GJA1: variants seen among roughly 807,000 people sequenced by gnomAD.
GJA1 encodes the protein gap junction alpha-1 protein.
GJA1 carries 9 observed loss-of-function variants against 31.0 expected under a neutral mutation model. The ratio of observed to expected loss-of-function variants is 0.29; its 90% CI spans 0.17 to 0.51. GJA1 has a LOEUF of 0.51. Among genes scored for constraint, GJA1 ranks in the 20% least tolerant of loss-of-function variants. The pLI is 0.98. For synonymous variants in GJA1, 186 were observed against 180.1 expected, an observed-to-expected ratio of 1.03 and a Z score of -0.26; for missense variants, 278 against 468.8, an observed-to-expected ratio of 0.59 and a Z score of 3.76.
Position 121,448,274 on chromosome 6 carries a change from C to T in GJA1, c.*278C>T. 2.0e-6 allele frequency: 1 copy of T among 499,356 alleles called. No homozygotes were observed. Among genetic ancestry groups the T allele is most frequent in the Non-Finnish European group, 3.8e-6 (1 of 265,872 alleles). 30.9% of individuals were successfully genotyped at this position (499,356 alleles called of 1,614,324 possible). A position where few individuals can be genotyped will look rare whatever the true frequency, so the allele number is the denominator to read the frequency against. ...TAAATAAGAGTTCCATTAGGTGATA[C>T]ATAGATAAGGGCTTTTTCTCCCCGC... On this transcript the variant is annotated 3_prime_UTR_variant, in exon 2 of 2. Transcript: ENST00000282561.
intron 1 of GJA1, among the ~76,000 whole-genome samples, chr6:121,445,585 A>G (rs569536890): frequency 1.3e-4 from 19 of 151,672 alleles, no homozygotes; most frequent in African/African-American, 4.3e-4. Context: ...TAACAATGAA[A>G]GATGAAAACC....
chr6:121,437,366 C>T (rs3792943), intron 1 of GJA1, among the ~76,000 whole-genome samples: 55,879 of 109,910 alleles, frequency 0.51, 13,170 homozygotes, highest in African/African-American at 0.72. Flanking sequence ...TTTTTTTTTT[C>T]TTTTTCTTTT....
At position 121,447,768 on chromosome 6, in the gene GJA1, G is replaced by C. The variant is rs773628965; in HGVS notation, c.921G>C (p.Glu307Asp). The change falls in exon 2 of 2, where the codon GAG (glutamate) becomes GAC (aspartate). Residue 307 changes from glutamate to aspartate, a missense_variant. Coordinates refer to ENST00000282561, the MANE Select transcript of GJA1 (RefSeq NM_000165.5). ...GCAATTACAACAAGCAAGCAAGTGA[G>C]CAAAACTGGGCTAATTACAGTGCAG... Reference protein sequence around the residue: ...SCRNYNKQASEQNWANYSAEQ... With the variant: ...SCRNYNKQASDQNWANYSAEQ... 2 of 1,613,922 alleles carry C rather than the reference G, an allele frequency of 1.2e-6. No individual in the cohort carries two copies. The highest frequency in any genetic ancestry group is 2.2e-5 in the South Asian group (2 of 91,082).
chr6:121,437,249 G>A (rs568457719), intron 1 of GJA1, among the ~76,000 whole-genome samples: 1 of 152,302 alleles, frequency 6.6e-6, no homozygotes, highest in Non-Finnish European at 1.5e-5. Context: ...CGGGGTGCGG[G>A]GTGGGAGGGA....
chr6:121,440,843 G>A (rs1773762970), intron 1 of GJA1, among the ~76,000 whole-genome samples: 1 of 152,128 alleles, frequency 6.6e-6, no homozygotes, highest in African/African-American at 2.4e-5. Flanking sequence ...CCGGGTTCAA[G>A]CAATTCTCCT....
intron 1 of GJA1, among the ~76,000 whole-genome samples, chr6:121,439,141 A>C (rs997016325): frequency 5.3e-5 from 8 of 152,168 alleles, no homozygotes; most frequent in African/African-American, 1.9e-4. Context: ...CTATAAAAAA[A>C]AATTTTAAAA....
At chr6:121,442,083 T>C (rs544532401) in intron 1 of GJA1, among the ~76,000 whole-genome samples, 3 of 152,340 alleles carry the variant, frequency 2.0e-5, no homozygotes, top group African/African-American at 7.2e-5. Flanking sequence ...ACTCTGATTT[T>C]ATTCTTTCAG....
chr6:121,436,111 T>C, intron 1 of GJA1, among the ~76,000 whole-genome samples: 1 of 151,198 alleles, frequency 6.6e-6, no homozygotes, highest in East Asian at 1.9e-4. Flanking sequence ...GTTTGGTTTT[T>C]CATTTTAGAG....
rs774503143 is a variant in GJA1 at position 121,448,298 on chromosome 6, G to A, written c.*302G>A. ...ACATAGATAAGGGCTTTTTCTCCCC[G>A]CAAACACCCCTAAGAATGGTTCTGT... is the stretch of plus-strand genomic sequence containing the variant. On this transcript the variant is annotated 3_prime_UTR_variant, in exon 2 of 2. Transcript: ENST00000282561. The A allele has an allele frequency of 1.6e-4, 70 of 439,654 alleles. No individual in the cohort carries two copies. Among genetic ancestry groups the A allele is most frequent in the African/African-American group, 1.3e-3 (65 of 49,836 alleles). 27.2% of individuals were successfully genotyped at this position (439,654 alleles called of 1,614,324 possible).
In GJA1 at chr6:121,447,961, A is replaced by G; in HGVS notation, c.1114A>G (p.Ser372Gly). Residue 372 changes from serine (S) to glycine (G), a missense_variant, in exon 2 of 2, where the codon AGC becomes GGC. Physicochemically the swap from Ser to Gly is moderately conservative, Grantham distance 56. Coordinates refer to ENST00000282561, the MANE Select transcript of GJA1 (RefSeq NM_000165.5). Reference protein sequence around the residue: ...RPSSRASSRASSRPRPDDLEI With the variant: ...RPSSRASSRAGSRPRPDDLEI ...TTCAAGCAGAGCCAGCAGTCGTGCC[A>G]GCAGCAGACCTCGGCCTGATGACCT... 1 of 1,613,952 alleles carries G rather than the reference A, an allele frequency of 6.2e-7. No homozygotes were observed. Among genetic ancestry groups the G allele is most frequent in the Non-Finnish European group, 8.5e-7 (1 of 1,179,910 alleles).
chr6:121,439,299 T>A (rs1773725582), intron 1 of GJA1, among the ~76,000 whole-genome samples: 1 of 152,202 alleles, frequency 6.6e-6, no homozygotes, highest in Non-Finnish European at 1.5e-5. Flanking sequence ...ATCACATGCA[T>A]GAGTTATTTA....
At chr6:121,444,740 G>A (rs1390090946) in intron 1 of GJA1, among the ~76,000 whole-genome samples, 7 of 152,140 alleles carry the variant, frequency 4.6e-5, no homozygotes, top group African/African-American at 1.7e-4. Flanking sequence ...CTAAGCTCCT[G>A]CAAAGTCTTA....
At chr6:121,444,715 A>T (rs1395971668) in intron 1 of GJA1, among the ~76,000 whole-genome samples, 1 of 152,234 alleles carries the variant, frequency 6.6e-6, no homozygotes, top group Non-Finnish European at 1.5e-5. Flanking sequence ...TAGATACTCT[A>T]TTTAGAATTC....
At chr6:121,446,329 A>G (rs1773888984) in intron 1 of GJA1, among the ~76,000 whole-genome samples, 1 of 152,214 alleles carries the variant, frequency 6.6e-6, no homozygotes, top group African/African-American at 2.4e-5. Context: ...AATTAGTAAT[A>G]AAATGATATA....
At chr6:121,436,106 G>T (rs891862792) in intron 1 of GJA1, among the ~76,000 whole-genome samples, 5 of 131,694 alleles carry the variant, frequency 3.8e-5, no homozygotes, top group African/African-American at 1.5e-4. Flanking sequence ...TGGATGTTTG[G>T]TTTTTCATTT....
At chr6:121,442,914 A>G (rs993383972) in intron 1 of GJA1, among the ~76,000 whole-genome samples, 8 of 152,116 alleles carry the variant, frequency 5.3e-5, no homozygotes, top group African/African-American at 7.3e-5. Context: ...AACTTTGCAC[A>G]ACTCCTCTTA....
chr6:121,447,644 C>T lies in GJA1; in HGVS notation c.797C>T (p.Ala266Val), dbSNP rs777364271. The T allele has an allele frequency of 1.9e-6, 3 of 1,613,960 alleles. No homozygotes were observed. Among genetic ancestry groups the T allele is most frequent in the East Asian group, 2.2e-5 (1 of 44,850 alleles). The change falls in exon 2 of 2, where the codon GCT becomes GTT. Residue 266 changes from alanine to valine, a missense_variant. Physicochemically the swap from Ala to Val is moderately conservative, Grantham distance 64. Around this residue, in one of 3 missense-constraint regions of GJA1, gnomAD observed 172 missense variants for 190.9 expected, o/e 0.90. Transcript: ENST00000282561. ...AAAGACTGTGGGTCTCAAAAATATG[C>T]TTATTTCAATGGCTGCTCCTCACCA... ...PAKDCGSQKY[A>V]YFNGCSSPTA...
intron 1 of GJA1, among the ~76,000 whole-genome samples, chr6:121,440,520 G>C (rs1773753520): frequency 6.6e-6 from 1 of 151,974 alleles, no homozygotes; most frequent in Non-Finnish European, 1.5e-5. Context: ...AAATTTAACA[G>C]TATGAGAATG....
intron 1 of GJA1, among the ~76,000 whole-genome samples, chr6:121,439,014 T>C (rs1004241586): frequency 3.3e-5 from 5 of 152,134 alleles, no homozygotes; most frequent in Admixed American, 2.6e-4. Context: ...ATGTTTATCG[T>C]CAGCTGGGCA....
Sources: gnomAD v4.1 joint callset for allele counts (sites outside exome capture counted in the v4.1 genomes callset) on GRCh38, gnomAD v4.1.1 for gene constraint, gnomAD v4.1.1 regional missense constraint, MANE v1.5 for transcripts, NCBI Gene and HGNC (gene_info 2026-07-23, HGNC 2026-07-21) for gene names.